The following USP46 variants were observed in gnomAD, a reference collection of about 807,000 sequenced individuals.
USP46 encodes the protein ubiquitin carboxyl-terminal hydrolase 46.
In USP46, 12 loss-of-function variants were observed where a neutral mutation model predicts 44.4. That is an observed-to-expected ratio of 0.27 (90% CI 0.17 to 0.44). The LOEUF is 0.44. Among genes scored for constraint, USP46 ranks in the 20% least tolerant of loss-of-function variants. The pLI is 1.00. For synonymous variants in USP46, 155 were observed against 161.5 expected (o/e 0.96, Z 0.31); for missense variants, 248 against 444.8 (o/e 0.56, Z 3.98).
At chr4:52,609,906 T>C (rs1228971954) in intron 5 of USP46, among the ~76,000 whole-genome samples, 5 of 49,774 alleles carry the variant, frequency 1.0e-4, no homozygotes, top group East Asian at 7.1e-4. Flanking sequence ...TTCTTTTTTT[T>C]TTTTTTTTTT....
intron 4 of USP46, 107 bp downstream of exon 4, chr4:52,625,911 C>T: frequency 9.2e-7 from 1 of 1,088,526 alleles, no homozygotes; most frequent in Admixed American, 2.7e-5. Context: ...TATTTACATA[C>T]ACTGCAAATA....
rs1489946638 is a variant in USP46 at position 52,601,931 on chromosome 4, G to A, written c.846C>T (p.Leu282=). 6.2e-7 allele frequency: 1 copy of A among 1,614,002 alleles called. No individual in the cohort carries two copies. Among genetic ancestry groups the A allele is most frequent in the South Asian group, 1.1e-5 (1 of 91,074 alleles). Residue 282 remains leucine, a synonymous_variant, in exon 7 of 9, where the codon CTC becomes CTT. Coordinates refer to ENST00000441222, the MANE Select transcript of USP46 (RefSeq NM_022832.4). ...TCACTGCATCACTGGAGGTGTTGAA[G>A]AGCCGGAGTTCCAGAGGGAAGACCA... The part of the protein sequence containing the change: ...YRVVFPLELR[L]FNTSSDAVNL...
intron 4 of USP46, among the ~76,000 whole-genome samples, chr4:52,619,649 C>T (rs1468625543): frequency 2.0e-5 from 3 of 152,324 alleles, no homozygotes; most frequent in African/African-American, 7.2e-5. Context: ...AAAAAGCCTG[C>T]AGGCTCTGTG....
At chr4:52,654,868 A>T (rs1718895973) in intron 1 of USP46, among the ~76,000 whole-genome samples, 1 of 152,256 alleles carries the variant, frequency 6.6e-6, no homozygotes, top group Admixed American at 6.5e-5. Flanking sequence ...AGATTTTCAT[A>T]AAGCCTTTAT....
At chr4:52,635,004 A>T (rs1285360271) in intron 1 of USP46, among the ~76,000 whole-genome samples, 1 of 151,720 alleles carries the variant, frequency 6.6e-6, no homozygotes, top group Non-Finnish European at 1.5e-5. Context: ...GGATCTGGCC[A>T]TCACCCTGAA....
chr4:52,629,880 G>C (rs925978976), intron 2 of USP46, among the ~76,000 whole-genome samples: 1 of 152,138 alleles, frequency 6.6e-6, no homozygotes. Context: ...ACACAAGCTA[G>C]GGAGTAGCAC....
Position 52,595,133 on chromosome 4 carries a change from A to C in USP46, c.*2507T>G, listed in dbSNP as rs1367720447. ...CTCACTCCTGCAGATGACACACGGA[A>C]TCCTTGGCCATTGGAGGGAATACTG... On this transcript the variant is annotated 3_prime_UTR_variant, in exon 9 of 9. Transcript: ENST00000441222. The C allele has an allele frequency of 1.3e-5, 2 of 152,640 alleles. No individual in the cohort carries two copies. Among genetic ancestry groups the C allele is most frequent in the East Asian group, 1.9e-4 (1 of 5,198 alleles). 9.5% of individuals were successfully genotyped at this position (152,640 alleles called of 1,614,324 possible).
chr4:52,653,144 C>T (rs1247686813), intron 1 of USP46, among the ~76,000 whole-genome samples: 2 of 152,086 alleles, frequency 1.3e-5, no homozygotes, highest in African/African-American at 4.8e-5. Context: ...AAGCCATAGT[C>T]CCAGAAGAGA....
intron 1 of USP46, among the ~76,000 whole-genome samples, chr4:52,644,394 A>G (rs1407649525): frequency 6.6e-6 from 1 of 152,128 alleles, no homozygotes. Flanking sequence ...TGTCACTTCT[A>G]TGTCTTATGT....
chr4:52,615,269 A>C (rs1291361914), intron 4 of USP46, among the ~76,000 whole-genome samples: 1 of 152,188 alleles, frequency 6.6e-6, no homozygotes, highest in African/African-American at 2.4e-5. Flanking sequence ...GGCAAGACCA[A>C]TTTCTATGCC....
intron 1 of USP46, among the ~76,000 whole-genome samples, chr4:52,656,072 T>C (rs1718934933): frequency 6.6e-6 from 1 of 152,198 alleles, no homozygotes; most frequent in African/African-American, 2.4e-5. Flanking sequence ...TAGATCTTCG[T>C]TTTTTCCTGT....
chr4:52,598,571 A>T (rs916188044), intron 8 of USP46, 57 bp downstream of exon 8: 3 of 1,502,924 alleles, frequency 2.0e-6, no homozygotes, highest in Non-Finnish European at 2.7e-6. Flanking sequence ...ATACATACAC[A>T]TTCTCCGAAA....
chr4:52,604,704 C>A, intron 5 of USP46, 120 bp from the exon 6 acceptor site: 2 of 672,776 alleles, frequency 3.0e-6, no homozygotes, highest in Admixed American at 3.8e-5. Flanking sequence ...AAGAAGTAAT[C>A]AGAAAAAAAT....
chr4:52,647,102 G>T (rs1186048648), intron 1 of USP46, among the ~76,000 whole-genome samples: 5 of 152,158 alleles, frequency 3.3e-5, no homozygotes, highest in Non-Finnish European at 7.3e-5. Flanking sequence ...TGAGGGCCTG[G>T]TTCAGTGAAT....
intron 5 of USP46, among the ~76,000 whole-genome samples, chr4:52,605,111 T>A (rs1236929302): frequency 6.6e-6 from 1 of 152,194 alleles, no homozygotes. Flanking sequence ...AAAGTAAAGA[T>A]AATGAAATTT....
intron 6 of USP46, among the ~76,000 whole-genome samples, chr4:52,603,421 G>T (rs183581439): frequency 2.3e-4 from 35 of 152,342 alleles, no homozygotes; most frequent in African/African-American, 7.9e-4. Context: ...GCTGGGCAGA[G>T]AAATGATCTC....
intron 4 of USP46, among the ~76,000 whole-genome samples, chr4:52,624,106 G>A (rs932609645): frequency 1.3e-5 from 2 of 152,030 alleles, no homozygotes; most frequent in African/African-American, 2.4e-5. Flanking sequence ...TGTTGGGGTT[G>A]GGGGGTTGGC....
chr4:52,627,814 A>G (rs1717651149), intron 3 of USP46, 136 bp downstream of exon 3: 5 of 1,010,914 alleles, frequency 4.9e-6, no homozygotes, highest in East Asian at 5.3e-5. Flanking sequence ...TTGTTTCTTA[A>G]AAAATGACAC....
Position 52,597,586 on chromosome 4 carries a change from G to C in USP46, c.*54C>G. 1 of 1,272,478 alleles carries C rather than the reference G, an allele frequency of 7.9e-7. No homozygotes were observed. The allele number at this position is 1,272,478 out of a possible 1,614,324, so 78.8% of individuals were successfully genotyped here. A position where few individuals can be genotyped will look rare whatever the true frequency, so the allele number is the denominator to read the frequency against. ...AGAGGAAAGCCTGCGGAGAAGCCGG[G>C]TGACAGTGCTGTGAACATTCTCCCC... On this transcript the variant is annotated 3_prime_UTR_variant, in exon 9 of 9. Transcript: ENST00000441222.
Sources: gnomAD v4.1 joint callset for allele counts (sites outside exome capture counted in the v4.1 genomes callset) on GRCh38, gnomAD v4.1.1 for gene constraint, MANE v1.5 for transcripts, NCBI Gene and HGNC (gene_info 2026-07-23, HGNC 2026-07-21) for gene names.